ZNF546: variants seen among roughly 807,000 people sequenced by gnomAD.
The protein encoded by ZNF546 is zinc finger protein 546, also known as CTC-471F3.6.
A neutral mutation model predicts 76.2 loss-of-function variants in ZNF546; 60 were observed. That is an observed-to-expected ratio of 0.79 (90% confidence interval 0.64 to 0.98). The LOEUF is 0.98. ZNF546 is among the 50% of genes least tolerant of loss of function. The probability of loss-of-function intolerance (pLI) is 0.00; values close to 1 mark genes in which losing one functional copy is unlikely to be tolerated. For missense variants in ZNF546, 936 were observed against 1,035.6 expected (o/e 0.90, Z 1.32); for synonymous variants, 277 against 328.1 (o/e 0.84, Z 1.68).
chr19:40,014,423 T>C lies in ZNF546; in HGVS notation c.1153T>C (p.Tyr385His), dbSNP rs1971721475. Residue 385 changes from tyrosine to histidine, a missense_variant, in exon 7 of 7, where the codon TAT (tyrosine) becomes CAT (histidine). Physicochemically the swap from Tyr to His is moderately conservative, Grantham distance 83 (BLOSUM62 2). Transcript: ENST00000347077. ...GAAAATTCATACTGGTGTCAAACCC[T>C]ATAAATGTAATGAATGTGGGAAGGC... ...HQKIHTGVKP[Y>H]KCNECGKAFS... 6 of 1,614,146 alleles carry C rather than the reference T, an allele frequency of 3.7e-6. No homozygotes were observed. Among genetic ancestry groups the C allele is most frequent in the Non-Finnish European group, 5.1e-6 (6 of 1,180,006 alleles).
At chr19:40,000,326 A>G (rs1172867140) in intron 3 of ZNF546, among the ~76,000 whole-genome samples, 1 of 152,092 alleles carries the variant, frequency 6.6e-6, no homozygotes, top group East Asian at 1.9e-4. Context: ...GATTTATAAC[A>G]GTAGAAAACA....
rs770645959 is a variant in ZNF546 at position 40,014,234 on chromosome 19, A to G, written c.964A>G (p.Ile322Val). Reference protein sequence around the residue: ...RVRDLRVHQTIHAGERPYECK... With the variant: ...RVRDLRVHQTVHAGERPYECK... Reference sequence around the variant, plus strand: ...TAGAGACCTTAGAGTACATCAGACAATTCATGCTGGAGAGAGACCTTATGA... The same window carrying G: ...TAGAGACCTTAGAGTACATCAGACAGTTCATGCTGGAGAGAGACCTTATGA... Residue 322 changes from isoleucine to valine, a missense_variant, in exon 7 of 7, where the codon ATT becomes GTT. Ile to Val is a conservative substitution (Grantham distance 29). Transcript: ENST00000347077. 11 of 1,613,576 alleles carry G rather than the reference A, an allele frequency of 6.8e-6. No homozygotes were observed. The highest frequency in any genetic ancestry group is 9.3e-6 in the Non-Finnish European group (11 of 1,179,554).
chr19:40,014,424 A>G lies in ZNF546; in HGVS notation c.1154A>G (p.Tyr385Cys). 6.2e-7 allele frequency: 1 copy of G among 1,614,182 alleles called. No individual in the cohort carries two copies. The highest frequency in any genetic ancestry group is 8.5e-7 in the Non-Finnish European group (1 of 1,180,014). ...HQKIHTGVKP[Y>C]KCNECGKAFS... ...AAAATTCATACTGGTGTCAAACCCT[A>G]TAAATGTAATGAATGTGGGAAGGCC... Residue 385 changes from tyrosine (Y) to cysteine (C), a missense_variant, in exon 7 of 7, where the codon TAT (tyrosine) becomes TGT (cysteine). Transcript: ENST00000347077.
chr19:40,010,949 G>A (rs571362596), intron 6 of ZNF546, among the ~76,000 whole-genome samples: 2 of 152,060 alleles, frequency 1.3e-5, no homozygotes, highest in African/African-American at 4.8e-5. Context: ...CAAAGTGCTG[G>A]GCTTACAGGC....
chr19:39,999,591 T>G (rs1173683815), intron 3 of ZNF546: 1 of 152,000 alleles, frequency 6.6e-6, no homozygotes, highest in Non-Finnish European at 1.5e-5. Context: ...TTTTTTTTTT[T>G]TTTTGACAGA....
chr19:40,005,466 G>GTGATGTTGCTCATCTGGCATATTATT (rs1971592513), intron 3 of ZNF546, among the ~76,000 whole-genome samples: 1 of 152,110 alleles, frequency 6.6e-6, no homozygotes, highest in Non-Finnish European at 1.5e-5. Flanking sequence ...TCATTTCCCT[G>GTGATGTTGCTCATCTGGCATATTATT]TGATGTTGCT....
At chr19:40,013,575 G>A in intron 6 of ZNF546, 90 bp from the exon 7 acceptor site, 2 of 1,013,618 alleles carry the variant, frequency 2.0e-6, no homozygotes, top group East Asian at 2.7e-5. Flanking sequence ...TTTCTACTAT[G>A]AGGTACAACC....
rs1390880770 is a variant in ZNF546 at position 40,015,307 on chromosome 19, T to C, written c.2037T>C (p.His679=). The change falls in exon 7 of 7, where the codon CAT becomes CAC. Residue 679 remains histidine (H), a synonymous_variant. Transcript: ENST00000347077. The part of the protein sequence containing the change: ...ECGKTFSRHY[H]LTQHHRGHTG... ...GGAAGACGTTTAGTCGGCACTATCA[T>C]CTTACTCAACATCACAGAGGCCATA... The C allele has an allele frequency of 1.9e-6, 3 of 1,613,558 alleles. No homozygotes were observed. The highest frequency in any genetic ancestry group is 1.1e-5 in the South Asian group (1 of 91,046).
In ZNF546 at chr19:40,003,206, T is replaced by G. The variant is rs191624939; in HGVS notation, c.85-2890T>G. ...GCCTGCCACCACGCCTGGCTAATTT[T>G]TTTTGTATTTTTAGTAGAGACGGGG... is the stretch of plus-strand genomic sequence containing the variant. On this transcript the variant is annotated intron_variant, in intron 3 of 6. Coordinates refer to ENST00000347077, the MANE Select transcript of ZNF546 (RefSeq NM_178544.5). 6.6e-3 allele frequency among the ~76,000 whole-genome samples: 1,009 copies of G among 151,878 alleles called. 5 individuals are homozygous for G. Among genetic ancestry groups the G allele is most frequent in the Non-Finnish European group, 0.012 (789 of 67,948 alleles).
chr19:40,015,870 C>A lies in ZNF546; in HGVS notation c.*89C>A. The A allele has an allele frequency of 8.6e-7, 1 of 1,165,594 alleles. No individual in the cohort carries two copies. The highest frequency in any genetic ancestry group is 2.4e-5 in the East Asian group (1 of 42,100). The allele number at this position is 1,165,594 out of a possible 1,614,324, so 72.2% of individuals were successfully genotyped here. On this transcript the variant is annotated 3_prime_UTR_variant, in exon 7 of 7. Coordinates refer to ENST00000347077, the MANE Select transcript of ZNF546 (RefSeq NM_178544.5). ...TGTTTGTTACGGAACATGTGGGAAT[C>A]CCTTTTACTTCATGCTCACAATTTA...
Sources: gnomAD v4.1 joint callset for allele counts (sites outside exome capture counted in the v4.1 genomes callset) on GRCh38, gnomAD v4.1.1 for gene constraint, MANE v1.5 for transcripts, NCBI Gene and HGNC (gene_info 2026-07-23, HGNC 2026-07-21) for gene names.